Variants in CDC42SE2 observed in about 807,000 individuals in gnomAD.
CDC42SE2 encodes CDC42 small effector 2.
In CDC42SE2, 3 loss-of-function variants were observed where a neutral mutation model predicts 11.5. That is an observed-to-expected ratio of 0.26 (90% confidence interval 0.12 to 0.67). CDC42SE2 has a LOEUF of 0.67. Ranked by LOEUF, CDC42SE2 falls within the 30% of genes least tolerant of loss-of-function variation. CDC42SE2 has a pLI of 0.80. For missense variants in CDC42SE2, 82 were observed against 106.8 expected, an observed-to-expected ratio of 0.77 and a Z score of 1.02; for synonymous variants, 33 against 34.8, an observed-to-expected ratio of 0.95 and a Z score of 0.18.
At chr5:131,278,717 CT>C (rs1392033744) in intron 1 of CDC42SE2, among the ~76,000 whole-genome samples, 8 of 50,292 alleles carry the variant, frequency 1.6e-4, no homozygotes, top group Non-Finnish European at 3.0e-4. Flanking sequence ...TTCCTCTCCC[CT>C]CCCCTCCCCC....
At chr5:131,313,996 C>A (rs897670018) in intron 1 of CDC42SE2, among the ~76,000 whole-genome samples, 1 of 151,838 alleles carries the variant, frequency 6.6e-6, no homozygotes, top group African/African-American at 2.4e-5. Flanking sequence ...CCCGACTAAA[C>A]TGTAGGATTT....
chr5:131,294,912 G>A (rs573840175), intron 1 of CDC42SE2, among the ~76,000 whole-genome samples: 96 of 152,212 alleles, frequency 6.3e-4, no homozygotes, highest in Non-Finnish European at 1.2e-3. Flanking sequence ...CGGGTCATGA[G>A]GTCAGGAGAT....
chr5:131,294,180 C>T (rs1276240453), intron 1 of CDC42SE2, among the ~76,000 whole-genome samples: 3 of 152,192 alleles, frequency 2.0e-5, no homozygotes, highest in East Asian at 1.9e-4. Context: ...TATCTTTAAG[C>T]GGATAGGCTG....
chr5:131,330,383 GT>G (rs376286415), intron 2 of CDC42SE2, among the ~76,000 whole-genome samples: 3 of 151,476 alleles, frequency 2.0e-5, no homozygotes, highest in Non-Finnish European at 4.4e-5. Context: ...GGTTATTAGA[GT>G]TTTTTTTTCT....
intron 1 of CDC42SE2, among the ~76,000 whole-genome samples, chr5:131,245,988 A>G (rs939306515): frequency 1.3e-5 from 2 of 152,232 alleles, no homozygotes; most frequent in African/African-American, 4.8e-5. Context: ...TTTGTTCAAG[A>G]AGAACTCACA....
chr5:131,338,969 C>G (rs746847257), intron 2 of CDC42SE2, among the ~76,000 whole-genome samples: 1 of 151,968 alleles, frequency 6.6e-6, no homozygotes, highest in South Asian at 2.1e-4. Flanking sequence ...TTGTTCAGGC[C>G]GGGCGTGGTG....
In CDC42SE2 at chr5:131,344,221, C is replaced by T. The variant is rs535518729; in HGVS notation, c.-285-14988C>T. On this transcript the variant is annotated intron_variant, in intron 2 of 4. Transcript: ENST00000505065. ...GCGGGGCATCGCCTCACCTGGGAAGCGCAGGGGATCGGGGAATTCCCTTTC... is the reference window on the plus strand; with the variant it reads ...GCGGGGCATCGCCTCACCTGGGAAGTGCAGGGGATCGGGGAATTCCCTTTC... Among the ~76,000 whole-genome samples, 58 of 152,294 alleles carry T rather than the reference C, an allele frequency of 3.8e-4. 3 individuals carry two copies. The highest frequency in any genetic ancestry group is 3.3e-3 in the Admixed American group (51 of 15,308).
the CDC42SE2 span, among the ~76,000 whole-genome samples, chr5:131,236,539 T>C: frequency 5.9e-5 from 9 of 152,088 alleles, no homozygotes; most frequent in Non-Finnish European, 1.2e-4. Flanking sequence ...TTGATTCTCA[T>C]GCCTCAGCCT....
intron 1 of CDC42SE2, among the ~76,000 whole-genome samples, chr5:131,274,223 C>T (rs1757054430): frequency 6.6e-6 from 1 of 152,136 alleles, no homozygotes; most frequent in Admixed American, 6.5e-5. Context: ...CTTGTCCTCC[C>T]TCTTCTCCAT....
intron 2 of CDC42SE2, among the ~76,000 whole-genome samples, chr5:131,339,379 G>T (rs1030501400): frequency 1.3e-4 from 19 of 151,476 alleles, no homozygotes; most frequent in Non-Finnish European, 2.4e-4. Flanking sequence ...CAGACAAAAA[G>T]GGTAATTAGA....
At chr5:131,310,663 A>C (rs984344801) in intron 1 of CDC42SE2, among the ~76,000 whole-genome samples, 1 of 152,054 alleles carries the variant, frequency 6.6e-6, no homozygotes, top group African/African-American at 2.4e-5. Context: ...TAGGATAGTT[A>C]GCTCTTCTTG....
upstream of CDC42SE2, among the ~76,000 whole-genome samples, chr5:131,240,949 G>GTTTTGTTTTTGTTTTTGT (rs71000979): frequency 1.3e-5 from 2 of 149,130 alleles, no homozygotes; most frequent in Non-Finnish European, 3.0e-5. Flanking sequence ...GGTTTTATGG[G>GTTTTGTTTTTGTTTTTGT]TTTTGTTTTT....
chr5:131,303,312 A>G (rs1012386186), intron 1 of CDC42SE2, among the ~76,000 whole-genome samples: 2 of 152,230 alleles, frequency 1.3e-5, no homozygotes, highest in African/African-American at 4.8e-5. Flanking sequence ...GGTATTTGAC[A>G]TTAAATGATC....
At chr5:131,271,123 G>C (rs1756986736) in intron 1 of CDC42SE2, among the ~76,000 whole-genome samples, 1 of 152,174 alleles carries the variant, frequency 6.6e-6, no homozygotes, top group Admixed American at 6.5e-5. Context: ...CAGTTCTCCA[G>C]CTCCAATTTA....
rs1424862191 is a variant in CDC42SE2 at position 131,392,548 on chromosome 5, A to AAAAG, written c.*1461_*1464dup. On this transcript the variant is annotated 3_prime_UTR_variant, in exon 5 of 5. Transcript: ENST00000505065. The stretch of plus-strand genomic sequence containing the variant: ...TTGATTGATTGATTAGAATTGCAAT[A>AAAAG]AAAGAAAAGCTTGCATTCATAAGGC... The AAAAG allele has an allele frequency of 6.6e-6, 1 of 152,450 alleles. No homozygotes were observed. The highest frequency in any genetic ancestry group is 2.4e-5 in the African/African-American group (1 of 41,574). 9.4% of individuals were successfully genotyped at this position (152,450 alleles called of 1,614,324 possible).
At chr5:131,284,121 C>A (rs2149704299) in intron 1 of CDC42SE2, among the ~76,000 whole-genome samples, 1 of 152,254 alleles carries the variant, frequency 6.6e-6, no homozygotes, top group East Asian at 1.9e-4. Flanking sequence ...TAATTGGCTT[C>A]TTTCACTTAG....
chr5:131,286,248 T>TA (rs1253499090), intron 1 of CDC42SE2, among the ~76,000 whole-genome samples: 1 of 151,788 alleles, frequency 6.6e-6, no homozygotes, highest in Non-Finnish European at 1.5e-5. Flanking sequence ...CCCAGCTAAT[T>TA]AAAAAAATTG....
At chr5:131,264,051 C>T (rs1031097932), upstream of CDC42SE2, 7 of 151,966 alleles carry the variant, frequency 4.6e-5, no homozygotes, top group South Asian at 2.1e-4. Flanking sequence ...GGAGGGGGAG[C>T]CAGGAAGCTG....
chr5:131,240,768 G>C (rs1215029081), upstream of CDC42SE2, among the ~76,000 whole-genome samples: 2 of 152,114 alleles, frequency 1.3e-5, no homozygotes, highest in Non-Finnish European at 2.9e-5. Context: ...CTTAGTTCTG[G>C]AAAACAGTGT....
Sources: allele counts gnomAD v4.1 joint callset (sites outside exome capture counted in the v4.1 genomes callset), GRCh38; gene constraint gnomAD v4.1.1; transcripts MANE v1.5; gene names NCBI Gene and HGNC (gene_info 2026-07-23, HGNC 2026-07-21).